Variants in CZIB observed in about 807,000 individuals in gnomAD.
CZIB encodes UPF0587 protein C1orf123.
Under a neutral mutation model 28.3 loss-of-function variants are expected in CZIB, and 26 were observed. The observed-to-expected ratio is 0.92, with a 90% confidence interval of 0.67 to 1.27. The LOEUF (loss-of-function observed/expected upper bound fraction) is 1.27, where lower values mean the gene tolerates loss of function less well. CZIB is among the 50% of genes most tolerant of loss of function. The probability of loss-of-function intolerance (pLI) is 0.00; values close to 1 mark genes in which losing one functional copy is unlikely to be tolerated. For missense variants in CZIB, 179 were observed against 197.3 expected, an observed-to-expected ratio of 0.91 and a Z score of 0.56; for synonymous variants, 78 against 71.1, an observed-to-expected ratio of 1.10 and a Z score of -0.49.
Position 53,220,034 on chromosome 1 carries a change from G to A in CZIB, c.90+227C>T, listed in dbSNP as rs1414847214. On this transcript the variant is annotated intron_variant, in intron 2 of 7. Coordinates refer to ENST00000294360, the MANE Select transcript of CZIB (RefSeq NM_017887.3). Reference sequence around the variant, plus strand: ...CGTTTAGTGTCCATTTACAGACCACGAAATATTTAACACAGGGAAGAACTA... The same window carrying A: ...CGTTTAGTGTCCATTTACAGACCACAAAATATTTAACACAGGGAAGAACTA... 9.6e-6 allele frequency: 5 copies of A among 518,920 alleles called. No homozygotes were observed. In the Admixed American group the frequency reaches 1.9e-4, roughly 19 times the overall value. The allele number at this position is 518,920 out of a possible 1,614,324, so 32.1% of individuals were successfully genotyped here.
At chr1:53,220,462 T>C (rs1645515934) in intron 1 of CZIB, 108 bp downstream of exon 1, 4 of 1,580,466 alleles carry the variant, frequency 2.5e-6, no homozygotes, top group Non-Finnish European at 3.4e-6. Context: ...TGCCTCCTGC[T>C]CCTTCAGCGC....
chr1:53,220,525 C>T, intron 1 of CZIB, 45 bp downstream of exon 1: 3 of 1,600,436 alleles, frequency 1.9e-6, no homozygotes, highest in Non-Finnish European at 1.7e-6. Flanking sequence ...CCCAGACCCT[C>T]GCCACCTCCC....
At chr1:53,218,301 T>A in intron 4 of CZIB, 98 bp from the exon 5 acceptor site, 1 of 1,574,264 alleles carries the variant, frequency 6.4e-7, no homozygotes, top group Admixed American at 1.7e-5. Context: ...GCTGTACAGG[T>A]GTCGGCATCT....
intron 3 of CZIB, 81 bp from the exon 4 acceptor site, chr1:53,218,576 T>G: frequency 7.1e-7 from 1 of 1,414,632 alleles, no homozygotes; most frequent in Non-Finnish European, 9.9e-7. Context: ...CCATTTATTG[T>G]CCACTTAAAG....
At position 53,214,555 on chromosome 1, in the gene CZIB, G is replaced by T; in HGVS notation, c.*104C>A. On this transcript the variant is annotated 3_prime_UTR_variant, in exon 8 of 8. Coordinates refer to ENST00000294360, the MANE Select transcript of CZIB (RefSeq NM_017887.3). Reference sequence around the variant, plus strand: ...ATGCAGATTGTGAAGGTTTCGTATAGCCACCAGGAGACAAGGGTCAAAGGA... The same window carrying T: ...ATGCAGATTGTGAAGGTTTCGTATATCCACCAGGAGACAAGGGTCAAAGGA... 1.1e-6 allele frequency: 1 copy of T among 926,620 alleles called. No individual in the cohort carries two copies. The highest frequency in any genetic ancestry group is 1.7e-6 in the Non-Finnish European group (1 of 591,156). 57.4% of individuals were successfully genotyped at this position (926,620 alleles called of 1,614,324 possible). A position where few individuals can be genotyped will look rare whatever the true frequency, so the allele number is the denominator to read the frequency against.
At chr1:53,218,351 C>T in intron 4 of CZIB, 63 bp downstream of exon 4, 2 of 1,598,466 alleles carry the variant, frequency 1.3e-6, no homozygotes, top group South Asian at 1.1e-5. Flanking sequence ...AGTCTACTTT[C>T]AGCCTGGTGC....
At chr1:53,219,615 C>T (rs1297711444) in intron 2 of CZIB, 1 of 152,476 alleles carries the variant, frequency 6.6e-6, no homozygotes, top group Admixed American at 6.5e-5. Context: ...CTCCTTCACT[C>T]GATTCCGCTT....
chr1:53,216,693 C>T (rs1645476121), intron 6 of CZIB, 89 bp downstream of exon 6: 1 of 1,188,398 alleles, frequency 8.4e-7, no homozygotes, highest in South Asian at 1.3e-5. Flanking sequence ...ATGTCTAGTC[C>T]ATGGTATCTG....
chr1:53,214,641 A>G lies in CZIB; in HGVS notation c.*18T>C, dbSNP rs557456758. 24 of 1,611,092 alleles carry G rather than the reference A, an allele frequency of 1.5e-5. No individual in the cohort carries two copies. In the East Asian group the frequency reaches 4.7e-4, roughly 31 times the overall value. On this transcript the variant is annotated 3_prime_UTR_variant, in exon 8 of 8. Transcript: ENST00000294360. ...TGTCCTTTCTCAGTTCTTAAGGGCA[A>G]CTGGGAAGGAAGAGGGATCAGCACT...
intron 5 of CZIB, chr1:53,217,084 G>A (rs552208308): frequency 4.1e-6 from 2 of 492,590 alleles, no homozygotes; most frequent in Non-Finnish European, 7.4e-6. Context: ...GTGGATGCTG[G>A]GGTCAACCTG....
Position 53,214,484 on chromosome 1 carries a change from C to G in CZIB, c.*175G>C. ...CCTTCATGCACCAGTGCAGCGTGAA[C>G]AGGGGCTTTATTGATGGGGCTTGGG... On this transcript the variant is annotated 3_prime_UTR_variant, in exon 8 of 8. Transcript: ENST00000294360. The G allele has an allele frequency of 3.4e-6, 2 of 592,260 alleles. No individual in the cohort carries two copies. Among genetic ancestry groups the G allele is most frequent in the Non-Finnish European group, 6.0e-6 (2 of 332,532 alleles). 36.7% of individuals were successfully genotyped at this position (592,260 alleles called of 1,614,324 possible). A position where few individuals can be genotyped will look rare whatever the true frequency, so the allele number is the denominator to read the frequency against.
chr1:53,217,496 A>G (rs998033280), intron 5 of CZIB: 4 of 153,576 alleles, frequency 2.6e-5, no homozygotes, highest in African/African-American at 7.2e-5. Context: ...CCCTACATTC[A>G]GTCTCATCCT....
chr1:53,219,078 A>G, intron 2 of CZIB, 155 bp from the exon 3 acceptor site: 1 of 679,250 alleles, frequency 1.5e-6, no homozygotes, highest in South Asian at 1.7e-5. Flanking sequence ...GGACAAAACT[A>G]GAACTATCTC....
Position 53,214,230 on chromosome 1 carries a change from A to C in CZIB, c.*429T>G, listed in dbSNP as rs1645452334. ...CTTAATTTCTTTTAACCTAATTCCT[A>C]ATCCTCACAAAGATCTTTCCAACAG... is the stretch of plus-strand genomic sequence containing the variant. On this transcript the variant is annotated 3_prime_UTR_variant, in exon 8 of 8. Transcript: ENST00000294360. 5.9e-6 allele frequency: 1 copy of C among 169,096 alleles called. No homozygotes were observed. The highest frequency in any genetic ancestry group is 2.4e-5 in the African/African-American group (1 of 41,886). The allele number at this position is 169,096 out of a possible 1,614,324, so 10.5% of individuals were successfully genotyped here.
At position 53,218,427 on chromosome 1, in the gene CZIB, T is replaced by C. The variant is rs1170293647; in HGVS notation, c.216A>G (p.Arg72=). The C allele has an allele frequency of 6.2e-7, 1 of 1,614,218 alleles. No individual in the cohort carries two copies. The highest frequency in any genetic ancestry group is 1.1e-5 in the South Asian group (1 of 91,090). The change falls in exon 4 of 8, where the codon AGA becomes AGG. Residue 72 remains arginine, a synonymous_variant. Coordinates refer to ENST00000294360, the MANE Select transcript of CZIB (RefSeq NM_017887.3). ...SMVQKCKLCA[R]ENSIEILSST... The stretch of plus-strand genomic sequence containing the variant: ...AGCCTGACCTACCGATGGAATTTTC[T>C]CTTGCACACAGCTTGCACTTCTGGA...
chr1:53,218,651 T>TA, intron 3 of CZIB, 156 bp from the exon 4 acceptor site: 1 of 863,538 alleles, frequency 1.2e-6, no homozygotes, highest in East Asian at 2.7e-5. Context: ...CTGAGGAAAA[T>TA]AAAAAAAGGG....
chr1:53,217,487 C>T (rs1645482052), intron 5 of CZIB: 1 of 153,580 alleles, frequency 6.5e-6, no homozygotes, highest in Admixed American at 6.5e-5. Flanking sequence ...AGTGCCATGC[C>T]CTACATTCAG....
At chr1:53,215,868 C>G (rs1044850453) in intron 7 of CZIB, 123 bp downstream of exon 7, 1 of 982,802 alleles carries the variant, frequency 1.0e-6, no homozygotes. Context: ...ATTTCAACAG[C>G]AAAATCACTA....
At chr1:53,214,966 A>G (rs1645460752) in intron 7 of CZIB, among the ~76,000 whole-genome samples, 2 of 152,220 alleles carry the variant, frequency 1.3e-5, no homozygotes, top group African/African-American at 4.8e-5. Context: ...CCTGTCTTCT[A>G]TTTAAAAAAA....
Sources: gnomAD v4.1 joint callset for allele counts (sites outside exome capture counted in the v4.1 genomes callset) on GRCh38, gnomAD v4.1.1 for gene constraint, MANE v1.5 for transcripts, NCBI Gene and HGNC (gene_info 2026-07-23, HGNC 2026-07-21) for gene names.